Variants in ZNF385B observed in about 807,000 individuals in gnomAD.
ZNF385B encodes zinc finger protein 533.
Under a neutral mutation model 39.2 loss-of-function variants are expected in ZNF385B, and 23 were observed. That is an observed-to-expected ratio of 0.59 (90% confidence interval 0.42 to 0.83). The LOEUF is 0.83. ZNF385B is among the 40% of genes least tolerant of loss of function. The pLI is 0.00. For synonymous variants in ZNF385B, 205 were observed against 222.6 expected (o/e 0.92, Z 0.70); for missense variants, 552 against 598.9 (o/e 0.92, Z 0.82).
intron 3 of ZNF385B, among the ~76,000 whole-genome samples, chr2:179,666,194 C>A (rs1357364844): frequency 6.6e-6 from 1 of 152,142 alleles, no homozygotes; most frequent in African/African-American, 2.4e-5. Flanking sequence ...TTAAGGAAAT[C>A]ACCATAGGTT....
chr2:179,854,320 T>C (rs960223640), intron 1 of ZNF385B, among the ~76,000 whole-genome samples: 4 of 152,168 alleles, frequency 2.6e-5, no homozygotes, highest in African/African-American at 9.7e-5. Flanking sequence ...TATTCTAAAT[T>C]CTCTGGGTCT....
chr2:179,459,588 AGTGTGTGT>A (rs3053314), intron 6 of ZNF385B, among the ~76,000 whole-genome samples: 6 of 146,022 alleles, frequency 4.1e-5, no homozygotes, highest in African/African-American at 1.3e-4. Context: ...AGAGAAAATA[AGTGTGTGT>A]GTGTGTGTGT....
chr2:179,799,770 T>A (rs950996414), intron 1 of ZNF385B, among the ~76,000 whole-genome samples: 3 of 152,080 alleles, frequency 2.0e-5, no homozygotes, highest in Non-Finnish European at 4.4e-5. Context: ...ACTTAAAGCA[T>A]AATAAGCAGG....
chr2:179,461,774 A>G (rs1018848346), intron 6 of ZNF385B, among the ~76,000 whole-genome samples: 5 of 152,178 alleles, frequency 3.3e-5, no homozygotes, highest in Admixed American at 1.3e-4. Context: ...TGGAAAATGC[A>G]ATGGAAAGGT....
chr2:179,627,806 G>GAT (rs1553484922), intron 3 of ZNF385B, among the ~76,000 whole-genome samples: 2 of 150,680 alleles, frequency 1.3e-5, no homozygotes, highest in Non-Finnish European at 3.0e-5. Flanking sequence ...TATTGATCAA[G>GAT]TTTTTTTTTT....
chr2:179,700,567 G>T (rs1019256878), intron 3 of ZNF385B, among the ~76,000 whole-genome samples: 1 of 152,196 alleles, frequency 6.6e-6, no homozygotes, highest in Admixed American at 6.5e-5. Flanking sequence ...ACTCAGAGAT[G>T]ATGATAGAGA....
chr2:179,496,205 C>T (rs2056185257), intron 5 of ZNF385B, among the ~76,000 whole-genome samples: 1 of 152,028 alleles, frequency 6.6e-6, no homozygotes, highest in Non-Finnish European at 1.5e-5. Context: ...AAGAATTCAT[C>T]AGAGTTCTTT....
chr2:179,496,063 A>G (rs184648525), intron 5 of ZNF385B, among the ~76,000 whole-genome samples: 32 of 152,310 alleles, frequency 2.1e-4, no homozygotes, highest in African/African-American at 7.7e-4. Flanking sequence ...TGTGTTGAGG[A>G]AACATAAAGA....
chr2:179,445,448 C>A, intron 8 of ZNF385B, 102 bp downstream of exon 8: 1 of 1,174,076 alleles, frequency 8.5e-7, no homozygotes, highest in Non-Finnish European at 1.2e-6. Context: ...AAAAGTTAGT[C>A]AACTTAACTG....
chr2:179,702,782 A>G (rs1699306637), intron 3 of ZNF385B, among the ~76,000 whole-genome samples: 1 of 152,224 alleles, frequency 6.6e-6, no homozygotes, highest in African/African-American at 2.4e-5. Flanking sequence ...AGGCCAATGG[A>G]GCAAAAATAA....
rs565448512 is a variant in ZNF385B, at chr2:179,825,422, G to C, written c.-155+35679C>G. On this transcript the variant is annotated intron_variant, in intron 1 of 9. Transcript: ENST00000410066. Reference sequence around the variant, plus strand: ...AGTGTAAAAAATACTTGGTGGTTTTGAGCAGTGGTCAAAGCACTTCTTTTT... The same window carrying C: ...AGTGTAAAAAATACTTGGTGGTTTTCAGCAGTGGTCAAAGCACTTCTTTTT... 7.9e-5 allele frequency among the ~76,000 whole-genome samples: 12 copies of C among 152,218 alleles called. No homozygotes were observed. The East Asian group carries it at 2.3e-3, about 29-fold the overall frequency.
At chr2:179,698,075 A>T (rs1698905290) in intron 3 of ZNF385B, among the ~76,000 whole-genome samples, 1 of 152,120 alleles carries the variant, frequency 6.6e-6, no homozygotes, top group Admixed American at 6.5e-5. Context: ...TAGCATTAGG[A>T]GATATACCTA....
chr2:179,561,525 C>T (rs906648227), intron 3 of ZNF385B, among the ~76,000 whole-genome samples: 2 of 151,746 alleles, frequency 1.3e-5, no homozygotes, highest in Non-Finnish European at 2.9e-5. Context: ...TGAAATCCCA[C>T]TGGAGACTAT....
rs113190750 is a variant in ZNF385B, at chr2:179,535,031, T to C, written c.441+9796A>G. Among the ~76,000 whole-genome samples the C allele has an allele frequency of 5.2e-3, 788 of 152,314 alleles. 5 individuals are homozygous for C. The highest frequency in any genetic ancestry group is 0.017 in the African/African-American group (718 of 41,576). ...ATGTAGATATTTATGGATTTGATCATACTATAATGGCAATGGACCATCTTA... is the reference window on the plus strand; with the variant it reads ...ATGTAGATATTTATGGATTTGATCACACTATAATGGCAATGGACCATCTTA... On this transcript the variant is annotated intron_variant, in intron 4 of 9. Transcript: ENST00000410066.
rs536520345 is a variant in ZNF385B, at chr2:179,457,848, T to C, written c.716-11078A>G. Reference sequence around the variant, plus strand: ...TGGCATGCTTTTCACTCTCTAAATGTTGTCTTATGATAACCCCAATTGTTT... The same window carrying C: ...TGGCATGCTTTTCACTCTCTAAATGCTGTCTTATGATAACCCCAATTGTTT... On this transcript the variant is annotated intron_variant, in intron 6 of 9. Transcript: ENST00000410066. Among the ~76,000 whole-genome samples the C allele has an allele frequency of 2.8e-3, 425 of 152,276 alleles. 2 individuals are homozygous for C. Among genetic ancestry groups the C allele is most frequent in the African/African-American group, 9.6e-3 (400 of 41,540 alleles).
intron 1 of ZNF385B, among the ~76,000 whole-genome samples, chr2:179,794,543 G>A (rs1003606428): frequency 2.6e-5 from 4 of 152,114 alleles, no homozygotes; most frequent in East Asian, 1.9e-4. Context: ...TGTAAGTGAC[G>A]TTTTCTTCCC....
intron 3 of ZNF385B, among the ~76,000 whole-genome samples, chr2:179,706,432 T>C (rs554797105): frequency 2.0e-5 from 3 of 152,188 alleles, no homozygotes; most frequent in South Asian, 2.1e-4. Flanking sequence ...GGCATAACAA[T>C]TGACATGACA....
intron 3 of ZNF385B, among the ~76,000 whole-genome samples, chr2:179,740,131 C>T (rs1702002550): frequency 6.6e-6 from 1 of 152,060 alleles, no homozygotes; most frequent in South Asian, 2.1e-4. Flanking sequence ...ACCCAAGAAT[C>T]CTGAGTAAAG....
chr2:179,596,798 T>G (rs568323581), intron 3 of ZNF385B, among the ~76,000 whole-genome samples: 8 of 152,336 alleles, frequency 5.3e-5, no homozygotes, highest in African/African-American at 1.9e-4. Context: ...TGAGTTTCTT[T>G]TTGTTTAATA....
Sources: allele counts gnomAD v4.1 joint callset (sites outside exome capture counted in the v4.1 genomes callset), GRCh38; gene constraint gnomAD v4.1.1; transcripts MANE v1.5; gene names NCBI Gene and HGNC (gene_info 2026-07-23, HGNC 2026-07-21).